The following TAFA2 variants were observed in gnomAD, a reference collection of about 807,000 sequenced individuals.
TAFA2 encodes the protein TAFA chemokine like family member 2.
TAFA2 carries 7 observed loss-of-function variants against 18.8 expected under a neutral mutation model. That is an observed-to-expected ratio of 0.37 (90% CI 0.21 to 0.70). The LOEUF is 0.70. Ranked by LOEUF, TAFA2 falls within the 30% of genes least tolerant of loss-of-function variation. The pLI, the probability that TAFA2 is intolerant of heterozygous loss-of-function variation, is 0.53. For missense variants in TAFA2, 122 were observed against 158.1 expected, an observed-to-expected ratio of 0.77 and a Z score of 1.23; for synonymous variants, 60 against 54.2, an observed-to-expected ratio of 1.11 and a Z score of -0.47.
At chr12:61,962,509 G>A (rs1019142236) in intron 1 of TAFA2, among the ~76,000 whole-genome samples, 2 of 151,790 alleles carry the variant, frequency 1.3e-5, no homozygotes, top group Non-Finnish European at 2.9e-5. Flanking sequence ...CTATATTCAG[G>A]TTTCATTGTT....
chr12:62,109,363 T>C (rs532486571), intron 1 of TAFA2, among the ~76,000 whole-genome samples: 14 of 152,350 alleles, frequency 9.2e-5, no homozygotes, highest in Admixed American at 9.2e-4. Flanking sequence ...ACCAGTACCA[T>C]GCTGTTTTGG....
chr12:61,930,655 T>G (rs1877517702), intron 1 of TAFA2, among the ~76,000 whole-genome samples: 1 of 152,252 alleles, frequency 6.6e-6, no homozygotes, highest in Non-Finnish European at 1.5e-5. Flanking sequence ...ACCATTTATA[T>G]ATTACTTTAG....
chr12:61,972,249 C>T (rs1879274082), intron 1 of TAFA2, among the ~76,000 whole-genome samples: 1 of 150,144 alleles, frequency 6.7e-6, no homozygotes, highest in African/African-American at 2.4e-5. Context: ...GTATCACTGG[C>T]CTAAATGTAA....
chr12:62,108,535 G>A (rs1252036454), intron 1 of TAFA2, among the ~76,000 whole-genome samples: 3 of 152,032 alleles, frequency 2.0e-5, no homozygotes, highest in East Asian at 1.9e-4. Context: ...TGGTATTTCT[G>A]GTTCTAGATC....
At chr12:62,140,917 T>C (rs1200097277) in intron 1 of TAFA2, among the ~76,000 whole-genome samples, 1 of 152,156 alleles carries the variant, frequency 6.6e-6, no homozygotes, top group African/African-American at 2.4e-5. Flanking sequence ...AGAGAACAGA[T>C]GAGCCCCTGG....
In TAFA2 at chr12:62,042,428, T is replaced by TGTGC. The variant is rs1411586257; in HGVS notation, c.-2+148830_-2+148831insGCAC. On this transcript the variant is annotated intron_variant, in intron 1 of 4. Coordinates refer to ENST00000416284, the MANE Select transcript of TAFA2 (RefSeq NM_178539.5). ...GTGTGTGTGTGTGTGTGTGTGTGTG[T>TGTGC]GCGCGTGTGTGTGTGTGTGTGTGAC... Among the ~76,000 whole-genome samples, 260 of 74,428 alleles carry TGTGC rather than the reference T, an allele frequency of 3.5e-3. 1 individual carries two copies. Among genetic ancestry groups the TGTGC allele is most frequent in the African/African-American group, 0.011 (248 of 21,904 alleles). The allele number at this position is 74,428 out of a possible 152,430, so 48.8% of individuals were successfully genotyped here.
intron 1 of TAFA2, among the ~76,000 whole-genome samples, chr12:62,056,324 T>G (rs1242017517): frequency 6.6e-6 from 1 of 152,152 alleles, no homozygotes; most frequent in Non-Finnish European, 1.5e-5. Context: ...TTCCTCTAAT[T>G]TTTGAAAGTA....
intron 1 of TAFA2, among the ~76,000 whole-genome samples, chr12:62,070,198 T>C (rs10877786): frequency 6.6e-6 from 1 of 152,062 alleles, no homozygotes. Flanking sequence ...AGCAATGGAC[T>C]GCAGAGATAT....
chr12:62,140,694 C>CA (rs2062233915), intron 1 of TAFA2, among the ~76,000 whole-genome samples: 1 of 152,194 alleles, frequency 6.6e-6, no homozygotes, highest in African/African-American at 2.4e-5. Flanking sequence ...CTCAGGCAGA[C>CA]ACTCTAGCCA....
intron 1 of TAFA2, among the ~76,000 whole-genome samples, chr12:62,051,131 G>T (rs1470399285): frequency 1.3e-5 from 2 of 152,074 alleles, no homozygotes; most frequent in African/African-American, 2.4e-5. Context: ...ATCAGCTTTT[G>T]GTGTTGCTGT....
chr12:62,086,896 A>G (rs1868479390), intron 1 of TAFA2, among the ~76,000 whole-genome samples: 1 of 152,178 alleles, frequency 6.6e-6, no homozygotes, highest in Admixed American at 6.6e-5. Flanking sequence ...AGTGTCCACT[A>G]ACAGATAAAT....
intron 1 of TAFA2, chr12:62,235,000 G>A: frequency 1.5e-6 from 1 of 655,000 alleles, no homozygotes; most frequent in Non-Finnish European, 2.9e-6. Flanking sequence ...ACTGTCGAGA[G>A]GCCAGGGTAA....
chr12:61,911,172 C>A (rs895916309), intron 1 of TAFA2, among the ~76,000 whole-genome samples: 18 of 152,242 alleles, frequency 1.2e-4, no homozygotes, highest in African/African-American at 3.8e-4. Context: ...TTAGATTCTA[C>A]ATTTTACCCC....
intron 4 of TAFA2, among the ~76,000 whole-genome samples, chr12:61,730,325 T>C (rs1168931009): frequency 6.6e-6 from 1 of 152,098 alleles, no homozygotes; most frequent in Non-Finnish European, 1.5e-5. Flanking sequence ...TAAGTTGTTA[T>C]AATATCTTGA....
intron 1 of TAFA2, among the ~76,000 whole-genome samples, chr12:62,147,757 CA>C (rs2062297459): frequency 6.9e-6 from 1 of 144,466 alleles, no homozygotes; most frequent in African/African-American, 2.6e-5. Context: ...AAAAAGAAAC[CA>C]TTAACAGAAT....
intron 1 of TAFA2, among the ~76,000 whole-genome samples, chr12:62,187,406 C>T (rs1225880659): frequency 6.6e-6 from 1 of 152,052 alleles, no homozygotes; most frequent in Non-Finnish European, 1.5e-5. Context: ...AAACTATGCA[C>T]CTATAAAGGC....
chr12:61,764,230 T>TGATTGATAGATAGATAGATAGATA (rs1555163228), intron 2 of TAFA2, among the ~76,000 whole-genome samples: 4 of 150,026 alleles, frequency 2.7e-5, no homozygotes, highest in Admixed American at 6.7e-5. Context: ...GATGATTGAT[T>TGATTGATAGATAGATAGATAGATA]GATAGATAGA....
At chr12:61,962,219 T>C (rs912439861) in intron 1 of TAFA2, among the ~76,000 whole-genome samples, 1 of 152,036 alleles carries the variant, frequency 6.6e-6, no homozygotes, top group African/African-American at 2.4e-5. Flanking sequence ...AAGTAATTTA[T>C]TTAAGTATCA....
At chr12:61,882,416 G>A (rs1013135679) in intron 1 of TAFA2, among the ~76,000 whole-genome samples, 2 of 152,114 alleles carry the variant, frequency 1.3e-5, no homozygotes, top group South Asian at 2.1e-4. Flanking sequence ...TGATTGGGGG[G>A]AAAATAGAGT....
Sources: gnomAD v4.1 joint callset for allele counts (sites outside exome capture counted in the v4.1 genomes callset) on GRCh38, gnomAD v4.1.1 for gene constraint, MANE v1.5 for transcripts, NCBI Gene and HGNC (gene_info 2026-07-23, HGNC 2026-07-21) for gene names.